The following GPC5 variants were observed in gnomAD, a reference collection of about 807,000 sequenced individuals.
GPC5 encodes the protein glypican-5.
A neutral mutation model predicts 53.9 loss-of-function variants in GPC5; 47 were observed. The ratio of observed to expected loss-of-function variants is 0.87; its 90% CI spans 0.69 to 1.11. GPC5 has a LOEUF of 1.11. Ranked by LOEUF, GPC5 falls within the 50% of genes most tolerant of loss-of-function variation. The pLI is 0.00. For synonymous variants in GPC5, 286 were observed against 263.3 expected (o/e 1.09, Z -0.84); for missense variants, 748 against 713.1 (o/e 1.05, Z -0.56).
chr13:91,474,937 A>C (rs1408284175), intron 2 of GPC5, among the ~76,000 whole-genome samples: 1 of 152,188 alleles, frequency 6.6e-6, no homozygotes, highest in Non-Finnish European at 1.5e-5. Context: ...TAATATATTA[A>C]TGCTCTGGTT....
chr13:92,461,360 G>T (rs1430944595), intron 7 of GPC5, among the ~76,000 whole-genome samples: 1 of 152,180 alleles, frequency 6.6e-6, no homozygotes, highest in African/African-American at 2.4e-5. Context: ...TGGAGCTTTT[G>T]TGTAGCTGAG....
At chr13:91,972,132 T>G (rs2040248778) in intron 6 of GPC5, among the ~76,000 whole-genome samples, 2 of 152,166 alleles carry the variant, frequency 1.3e-5, no homozygotes, top group Admixed American at 1.3e-4. Flanking sequence ...AGGACTTGCT[T>G]TATGAATCTG....
At chr13:91,435,742 A>G (rs373067312) in intron 1 of GPC5, among the ~76,000 whole-genome samples, 1 of 152,066 alleles carries the variant, frequency 6.6e-6, no homozygotes, top group Non-Finnish European at 1.5e-5. Flanking sequence ...CTATTGATTG[A>G]AATAGTTTCA....
At chr13:91,749,640 A>C (rs1276627875) in intron 4 of GPC5, among the ~76,000 whole-genome samples, 1 of 152,186 alleles carries the variant, frequency 6.6e-6, no homozygotes, top group African/African-American at 2.4e-5. Context: ...TGGTAGTTCT[A>C]TTTTTAGTTC....
chr13:92,326,388 T>G lies in GPC5; in HGVS notation c.1561+181399T>G, dbSNP rs79017222. Among the ~76,000 whole-genome samples the G allele has an allele frequency of 3.3e-4, 50 of 152,198 alleles. 1 individual carries two copies. The East Asian group carries it at 5.8e-3, about 18-fold the overall frequency. ...GGGAATTTTAAAAATTTATTGAAATTTTTCTCAATTTACTAATATTTTTAT... is the reference window on the plus strand; with the variant it reads ...GGGAATTTTAAAAATTTATTGAAATGTTTCTCAATTTACTAATATTTTTAT... On this transcript the variant is annotated intron_variant, in intron 7 of 7. Transcript: ENST00000377067.
chr13:92,754,259 T>C (rs375659217), intron 7 of GPC5, among the ~76,000 whole-genome samples: 2 of 152,040 alleles, frequency 1.3e-5, no homozygotes, highest in East Asian at 1.9e-4. Context: ...AAATAAAATA[T>C]TTTACAGACA....
At chr13:91,471,983 T>G (rs760264305) in intron 2 of GPC5, among the ~76,000 whole-genome samples, 2 of 152,162 alleles carry the variant, frequency 1.3e-5, no homozygotes, top group African/African-American at 2.4e-5. Flanking sequence ...TTCTTGCTGC[T>G]TAAAATGCTA....
chr13:92,507,696 G>C (rs1403357440), intron 7 of GPC5, among the ~76,000 whole-genome samples: 3 of 151,944 alleles, frequency 2.0e-5, no homozygotes. Flanking sequence ...GTTATAACTG[G>C]TACATTATTT....
At chr13:92,163,762 A>G (rs1218270617) in intron 7 of GPC5, among the ~76,000 whole-genome samples, 2 of 151,136 alleles carry the variant, frequency 1.3e-5, no homozygotes, top group Non-Finnish European at 2.9e-5. Context: ...TTTGTTGATC[A>G]TAAAATGCAA....
intron 7 of GPC5, among the ~76,000 whole-genome samples, chr13:92,700,811 C>T (rs535380750): frequency 6.6e-6 from 1 of 152,048 alleles, no homozygotes; most frequent in African/African-American, 2.4e-5. Context: ...GAAAATTAGG[C>T]ACTGTTTTGC....
At chr13:92,125,222 C>T (rs1205848768) in intron 6 of GPC5, among the ~76,000 whole-genome samples, 1 of 152,038 alleles carries the variant, frequency 6.6e-6, no homozygotes, top group Non-Finnish European at 1.5e-5. Flanking sequence ...TAAATAATTC[C>T]CTGTCTAGCC....
At chr13:91,577,380 T>G (rs1450508344) in intron 2 of GPC5, among the ~76,000 whole-genome samples, 1 of 152,168 alleles carries the variant, frequency 6.6e-6, no homozygotes, top group Non-Finnish European at 1.5e-5. Flanking sequence ...CATTGGTCTT[T>G]CCACCACTTT....
intron 2 of GPC5, among the ~76,000 whole-genome samples, chr13:91,476,373 C>A (rs1882928984): frequency 6.6e-6 from 1 of 152,186 alleles, no homozygotes; most frequent in East Asian, 1.9e-4. Context: ...AAGGCTACTT[C>A]ACCCAGTGTT....
intron 3 of GPC5, among the ~76,000 whole-genome samples, chr13:91,716,088 T>G (rs1236210741): frequency 4.0e-5 from 6 of 150,758 alleles, no homozygotes; most frequent in Admixed American, 4.0e-4. Context: ...CCATCTTGAT[T>G]TTTTTTTTTA....
chr13:92,057,298 C>CA (rs377505236), intron 6 of GPC5, among the ~76,000 whole-genome samples: 3 of 101,536 alleles, frequency 3.0e-5, no homozygotes, highest in African/African-American at 1.1e-4. Flanking sequence ...AACAAAAAAA[C>CA]AAAAAACAAA....
intron 7 of GPC5, among the ~76,000 whole-genome samples, chr13:92,284,800 A>G (rs562565533): frequency 6.6e-6 from 1 of 152,296 alleles, no homozygotes; most frequent in African/African-American, 2.4e-5. Context: ...GAATGGGCAA[A>G]AACTGGAAGC....
chr13:92,319,350 C>T (rs1416319736), intron 7 of GPC5, among the ~76,000 whole-genome samples: 1 of 145,880 alleles, frequency 6.9e-6, no homozygotes, highest in Non-Finnish European at 1.5e-5. Context: ...TAACTGTGAG[C>T]TTTGTTACAA....
chr13:92,306,143 A>C (rs2043109253), intron 7 of GPC5, among the ~76,000 whole-genome samples: 1 of 152,198 alleles, frequency 6.6e-6, no homozygotes, highest in African/African-American at 2.4e-5. Flanking sequence ...ATGAACAGTA[A>C]GAAATTAAAT....
At chr13:92,403,736 G>A (rs1176161467) in intron 7 of GPC5, among the ~76,000 whole-genome samples, 2 of 152,132 alleles carry the variant, frequency 1.3e-5, no homozygotes, top group Non-Finnish European at 2.9e-5. Context: ...GTGAGTAGAC[G>A]AGAAGATGTA....
Sources: allele counts gnomAD v4.1 joint callset (sites outside exome capture counted in the v4.1 genomes callset), GRCh38; gene constraint gnomAD v4.1.1; transcripts MANE v1.5; gene names NCBI Gene and HGNC (gene_info 2026-07-23, HGNC 2026-07-21).